Variants in ELMO1 observed in about 807,000 individuals in gnomAD.
ELMO1 encodes engulfment and cell motility 1.
A neutral mutation model predicts 98.9 loss-of-function variants in ELMO1; 26 were observed. The ratio of observed to expected loss-of-function variants is 0.26; its 90% CI spans 0.19 to 0.36. The LOEUF (loss-of-function observed/expected upper bound fraction) is 0.36, where lower values mean the gene tolerates loss of function less well. Among genes scored for constraint, ELMO1 ranks in the 10% least tolerant of loss-of-function variants. The pLI is 1.00. For synonymous variants in ELMO1, 346 were observed against 346.0 expected, an observed-to-expected ratio of 1.00 and a Z score of 0.00; for missense variants, 627 against 935.2, an observed-to-expected ratio of 0.67 and a Z score of 4.30.
intron 14 of ELMO1, among the ~76,000 whole-genome samples, chr7:37,096,950 T>TCC (rs1784392763): frequency 6.6e-6 from 1 of 152,190 alleles, no homozygotes; most frequent in African/African-American, 2.4e-5. Flanking sequence ...AAAGAGGATA[T>TCC]TTTGCTTGTT....
At chr7:37,127,662 C>T (rs1212427243) in intron 14 of ELMO1, among the ~76,000 whole-genome samples, 1 of 152,168 alleles carries the variant, frequency 6.6e-6, no homozygotes, top group African/African-American at 2.4e-5. Context: ...GTGAATATTA[C>T]CATGAAGAAT....
chr7:37,312,417 C>G lies in ELMO1; in HGVS notation c.192+2433G>C, dbSNP rs141757656. ...TTCCTAAATTGAACTTTGTGCACAA[C>G]TTCTGGACAGAAGGCATAATGTCCT... On this transcript the variant is annotated intron_variant, in intron 4 of 21. Transcript: ENST00000310758. 5.3e-3 allele frequency among the ~76,000 whole-genome samples: 804 copies of G among 152,306 alleles called. 4 individuals carry two copies. Among genetic ancestry groups the G allele is most frequent in the Non-Finnish European group, 7.7e-3 (526 of 68,022 alleles).
At chr7:37,067,436 TTTC>T (rs1207792388) in intron 15 of ELMO1, among the ~76,000 whole-genome samples, 1 of 152,214 alleles carries the variant, frequency 6.6e-6, no homozygotes, top group Non-Finnish European at 1.5e-5. Context: ...TGCAAAGTAT[TTTC>T]TTCTTATACT....
chr7:37,369,543 A>G (rs771176118), intron 1 of ELMO1, among the ~76,000 whole-genome samples: 4 of 152,270 alleles, frequency 2.6e-5, no homozygotes, highest in South Asian at 2.1e-4. Flanking sequence ...TAAACAAAAC[A>G]ATTCCAGAGA....
intron 13 of ELMO1, among the ~76,000 whole-genome samples, chr7:37,154,846 CA>C (rs1788624622): frequency 6.6e-6 from 1 of 152,110 alleles, no homozygotes; most frequent in Non-Finnish European, 1.5e-5. Context: ...AGAGCAACCC[CA>C]AGACACATAA....
At chr7:36,918,019 AAC>A (rs145181005) in intron 16 of ELMO1, among the ~76,000 whole-genome samples, 2 of 152,210 alleles carry the variant, frequency 1.3e-5, no homozygotes, top group East Asian at 1.9e-4. Context: ...AATTAAAACA[AAC>A]ACACACAAAA....
At chr7:36,891,597 C>T (rs567319779) in intron 17 of ELMO1, among the ~76,000 whole-genome samples, 4 of 152,188 alleles carry the variant, frequency 2.6e-5, no homozygotes, top group South Asian at 2.1e-4. Context: ...ATTCTGGTTA[C>T]GGGCTAATAA....
chr7:37,038,349 G>T (rs1005922422), intron 15 of ELMO1, among the ~76,000 whole-genome samples: 12 of 152,142 alleles, frequency 7.9e-5, no homozygotes, highest in Non-Finnish European at 1.8e-4. Context: ...TTGCTGGCCT[G>T]CCTGTGCAAG....
intron 1 of ELMO1, among the ~76,000 whole-genome samples, chr7:37,399,323 A>G (rs1803426814): frequency 6.6e-6 from 1 of 152,184 alleles, no homozygotes; most frequent in Non-Finnish European, 1.5e-5. Context: ...GTTGCAGATC[A>G]ATTTAAGTTT....
At chr7:37,370,573 A>G (rs1173742255) in intron 1 of ELMO1, among the ~76,000 whole-genome samples, 3 of 152,174 alleles carry the variant, frequency 2.0e-5, no homozygotes, top group Non-Finnish European at 2.9e-5. Flanking sequence ...AAGAACTCCA[A>G]TGAATCAATA....
intron 15 of ELMO1, among the ~76,000 whole-genome samples, chr7:37,014,886 T>C (rs1001696283): frequency 1.3e-5 from 2 of 151,850 alleles, no homozygotes; most frequent in African/African-American, 4.8e-5. Flanking sequence ...GTGCCTGCCA[T>C]GTGGATGAGC....
chr7:37,356,557 T>C (rs970274725), intron 1 of ELMO1, among the ~76,000 whole-genome samples: 7 of 151,948 alleles, frequency 4.6e-5, no homozygotes, highest in Non-Finnish European at 7.4e-5. Context: ...CACTCATAAG[T>C]GGGAGTTGAA....
chr7:37,198,830 A>G (rs1792117768), intron 13 of ELMO1, among the ~76,000 whole-genome samples: 1 of 152,230 alleles, frequency 6.6e-6, no homozygotes, highest in Non-Finnish European at 1.5e-5. Context: ...TCCTTCCGCC[A>G]CAGCCAGGGG....
intron 20 of ELMO1, among the ~76,000 whole-genome samples, chr7:36,866,577 G>A (rs747660678): frequency 6.6e-6 from 1 of 152,192 alleles, no homozygotes; most frequent in Non-Finnish European, 1.5e-5. Flanking sequence ...AGCAGAGACC[G>A]AATGGGTGAG....
At chr7:37,269,330 C>T (rs1796433767) in intron 5 of ELMO1, 1 of 152,052 alleles carries the variant, frequency 6.6e-6, no homozygotes, top group African/African-American at 2.4e-5. Flanking sequence ...TCTATTAAGG[C>T]CCCAGACATC....
intron 16 of ELMO1, among the ~76,000 whole-genome samples, chr7:36,974,872 C>T (rs1790386150): frequency 6.6e-6 from 1 of 152,020 alleles, no homozygotes; most frequent in Non-Finnish European, 1.5e-5. Context: ...GAAGAATGAA[C>T]AACTCCAGAA....
At chr7:37,228,022 G>C (rs777720174) in intron 8 of ELMO1, among the ~76,000 whole-genome samples, 2 of 152,108 alleles carry the variant, frequency 1.3e-5, no homozygotes, top group African/African-American at 4.8e-5. Flanking sequence ...ACACACCTGG[G>C]GCACTCAATG....
chr7:37,109,251 C>G (rs2129274611), intron 14 of ELMO1, among the ~76,000 whole-genome samples: 2 of 152,292 alleles, frequency 1.3e-5, no homozygotes, highest in South Asian at 4.2e-4. Context: ...ACTTCAAAGG[C>G]TTGTTTAGGA....
rs577270152 is a variant in ELMO1 at position 37,324,290 on chromosome 7, C to A, written c.79-8330G>T. Among the ~76,000 whole-genome samples the A allele has an allele frequency of 2.5e-3, 387 of 152,290 alleles. 1 individual carries two copies. The highest frequency in any genetic ancestry group is 4.2e-3 in the Admixed American group (64 of 15,308). On this transcript the variant is annotated intron_variant, in intron 2 of 21. Transcript: ENST00000310758. The stretch of plus-strand genomic sequence containing the variant: ...CACTGGCCTGCTGAGACTGGCAGCG[C>A]CCCCAGCCAATGTGCCCACACACCT...
Sources: allele counts gnomAD v4.1 joint callset (sites outside exome capture counted in the v4.1 genomes callset), GRCh38; gene constraint gnomAD v4.1.1; transcripts MANE v1.5; gene names NCBI Gene and HGNC (gene_info 2026-07-23, HGNC 2026-07-21).